Variants in FAM184A observed in about 807,000 individuals in gnomAD.
The protein encoded by FAM184A is protein FAM184A.
Under a neutral mutation model 143.8 loss-of-function variants are expected in FAM184A, and 99 were observed. The ratio of observed to expected loss-of-function variants is 0.69; its 90% CI spans 0.58 to 0.81. The LOEUF is 0.81. Among genes scored for constraint, FAM184A ranks in the 40% least tolerant of loss-of-function variants. The pLI is 0.00. For synonymous variants in FAM184A, 427 were observed against 446.4 expected (o/e 0.96, Z 0.55); for missense variants, 1,217 against 1,310.5 (o/e 0.93, Z 1.10).
At chr6:119,014,967 G>T (rs1160897191) in intron 5 of FAM184A, among the ~76,000 whole-genome samples, 1 of 151,964 alleles carries the variant, frequency 6.6e-6, no homozygotes, top group Non-Finnish European at 1.5e-5. Context: ...GCTGAGGCAG[G>T]AGACTTGTTT....
chr6:119,130,457 T>TA (rs1357308242), intron 1 of FAM184A, among the ~76,000 whole-genome samples: 6 of 152,286 alleles, frequency 3.9e-5, no homozygotes, highest in African/African-American at 1.4e-4. Context: ...AAGTTGGAGT[T>TA]ACAGGGAGAA....
At chr6:119,007,428 G>C (rs1784957262) in intron 6 of FAM184A, among the ~76,000 whole-genome samples, 4 of 151,468 alleles carry the variant, frequency 2.6e-5, no homozygotes, top group Admixed American at 2.6e-4. Flanking sequence ...CCCTCCCCAA[G>C]TGCACGGCCT....
intron 1 of FAM184A, among the ~76,000 whole-genome samples, chr6:119,138,150 G>A (rs990398722): frequency 2.0e-5 from 3 of 152,228 alleles, no homozygotes; most frequent in Admixed American, 6.5e-5. Context: ...AATGCTATGA[G>A]AGCATGAGGA....
intron 2 of FAM184A, 113 bp downstream of exon 2, chr6:119,023,846 T>G: frequency 1.7e-6 from 1 of 584,296 alleles, no homozygotes. Flanking sequence ...AAAAAAAGTC[T>G]AAGTGGTGTG....
intron 7 of FAM184A, 184 bp downstream of exon 7, chr6:119,006,263 A>G: frequency 1.3e-6 from 1 of 742,008 alleles, no homozygotes; most frequent in Non-Finnish European, 2.4e-6. Context: ...TCTAGCCTCC[A>G]GAGCTATGAG....
At chr6:119,147,122 A>G (rs944735182) in intron 1 of FAM184A, among the ~76,000 whole-genome samples, 7 of 148,544 alleles carry the variant, frequency 4.7e-5, no homozygotes, top group Non-Finnish European at 1.0e-4. Flanking sequence ...CCACCCTAAC[A>G]TCAATACCAC....
At chr6:118,971,478 T>G (rs1012659312) in intron 14 of FAM184A, among the ~76,000 whole-genome samples, 3 of 152,162 alleles carry the variant, frequency 2.0e-5, no homozygotes, top group Non-Finnish European at 4.4e-5. Context: ...AAATCGGCCA[T>G]GACCTCAAGT....
chr6:119,023,092 T>A lies in FAM184A; in HGVS notation c.1015-12A>T. 2.5e-6 allele frequency: 4 copies of A among 1,612,732 alleles called. No homozygotes were observed. The highest frequency in any genetic ancestry group is 2.5e-6 in the Non-Finnish European group (3 of 1,179,648). On this transcript the variant is annotated splice_polypyrimidine_tract_variant and intron_variant, in intron 2 of 17. Transcript: ENST00000338891. ...TGTTTTTGAAGAACCTAAGAAAGAT[T>A]AAATAGCCATTGTTAAAATGCAGGA...
intron 13 of FAM184A, among the ~76,000 whole-genome samples, 170 bp from the exon 14 acceptor site, chr6:118,974,744 AGTTGTC>A (rs1470049757): frequency 6.6e-6 from 1 of 152,160 alleles, no homozygotes; most frequent in Non-Finnish European, 1.5e-5. Flanking sequence ...GCTTTGTTAA[AGTTGTC>A]TCCTTTAATG....
At chr6:119,015,260 G>A (rs558351738) in intron 5 of FAM184A, among the ~76,000 whole-genome samples, 6 of 152,198 alleles carry the variant, frequency 3.9e-5, no homozygotes, top group South Asian at 4.1e-4. Context: ...GCTGCACTGC[G>A]GGAGCCCCTT....
intron 9 of FAM184A, among the ~76,000 whole-genome samples, chr6:118,989,909 AC>A (rs1187871452): frequency 2.0e-5 from 3 of 152,092 alleles, no homozygotes; most frequent in African/African-American, 7.2e-5. Context: ...GCTCACTGCA[AC>A]CAAAGCCTCC....
At chr6:119,081,733 G>T (rs1008939981), upstream of FAM184A, among the ~76,000 whole-genome samples, 3 of 152,210 alleles carry the variant, frequency 2.0e-5, no homozygotes, top group African/African-American at 7.2e-5. Flanking sequence ...CCACTCGACA[G>T]CCCAGGCTCT....
chr6:119,101,882 C>T (rs1788646229), intron 1 of FAM184A, among the ~76,000 whole-genome samples: 1 of 152,012 alleles, frequency 6.6e-6, no homozygotes. Context: ...ATGATGAAAC[C>T]CTGTCTGTAC....
intron 1 of FAM184A, among the ~76,000 whole-genome samples, chr6:119,119,735 CAG>C (rs1789161622): frequency 6.6e-6 from 1 of 152,042 alleles, no homozygotes; most frequent in South Asian, 2.1e-4. Flanking sequence ...CTTTGGGAGA[CAG>C]AGGCAGGAGG....
At chr6:119,091,852 A>T (rs1157111139) in intron 1 of FAM184A, among the ~76,000 whole-genome samples, 1 of 152,228 alleles carries the variant, frequency 6.6e-6, no homozygotes, top group Non-Finnish European at 1.5e-5. Context: ...CTTTGTAGAT[A>T]CAGTAGCTAT....
intron 1 of FAM184A, among the ~76,000 whole-genome samples, chr6:119,062,149 G>A (rs546466598): frequency 6.6e-6 from 1 of 152,122 alleles, no homozygotes; most frequent in Non-Finnish European, 1.5e-5. Flanking sequence ...ACTTACAAAT[G>A]TATAACTTTG....
intron 9 of FAM184A, among the ~76,000 whole-genome samples, chr6:118,991,751 CTTTTTTTTTTTTTT>C (rs61476918): frequency 0.027 from 1,164 of 42,434 alleles, 35 homozygotes; most frequent in Middle Eastern, 0.24. Context: ...CCTGAGAGGA[CTTTTTTTTTTTTTT>C]TTTTTTTTTT....
chr6:119,067,252 C>G (rs1163763134), intron 1 of FAM184A, among the ~76,000 whole-genome samples: 2 of 152,168 alleles, frequency 1.3e-5, no homozygotes, highest in Admixed American at 1.3e-4. Context: ...TCCTTTCCAC[C>G]CCTTTCATCT....
chr6:118,972,637 G>C (rs1783730255), intron 14 of FAM184A, among the ~76,000 whole-genome samples: 2 of 152,244 alleles, frequency 1.3e-5, no homozygotes, highest in East Asian at 1.9e-4. Flanking sequence ...TAAGTTATTT[G>C]CTACCTACTG....
Sources: allele counts gnomAD v4.1 joint callset (sites outside exome capture counted in the v4.1 genomes callset), GRCh38; gene constraint gnomAD v4.1.1; transcripts MANE v1.5; gene names NCBI Gene and HGNC (gene_info 2026-07-23, HGNC 2026-07-21).